Variants in FAM53C observed in about 807,000 individuals in gnomAD.
The protein encoded by FAM53C is family with sequence similarity 53 member C.
In FAM53C, 10 loss-of-function variants were observed where a neutral mutation model predicts 34.7. The ratio of observed to expected loss-of-function variants is 0.29; its 90% CI spans 0.18 to 0.49. The LOEUF (loss-of-function observed/expected upper bound fraction) is 0.49. Among genes scored for constraint, FAM53C ranks in the 20% least tolerant of loss-of-function variants. The pLI is 0.99. For synonymous variants in FAM53C, 203 were observed against 203.6 expected, an observed-to-expected ratio of 1.00 and a Z score of 0.03; for missense variants, 442 against 515.3, an observed-to-expected ratio of 0.86 and a Z score of 1.38.
At position 138,348,690 on chromosome 5, in the gene FAM53C, C is replaced by T. The variant is rs1761244554; in HGVS notation, c.*1731C>T. The stretch of plus-strand genomic sequence containing the variant: ...GCTATGTCTTCTTAAGCCTCTGGCC[C>T]TCAGAGGCTCCTCCCTATCTCCTGG... On this transcript the variant is annotated 3_prime_UTR_variant, in exon 5 of 5. Transcript: ENST00000239906. The T allele has an allele frequency of 6.6e-6, 1 of 152,190 alleles. No homozygotes were observed. Among genetic ancestry groups the T allele is most frequent in the African/African-American group, 2.4e-5 (1 of 41,442 alleles). 9.4% of individuals were successfully genotyped at this position (152,190 alleles called of 1,614,324 possible).
Position 138,341,166 on chromosome 5 carries a change from G to T in FAM53C, c.-152-18G>T. 1 of 738,278 alleles carries T rather than the reference G, an allele frequency of 1.4e-6. No individual in the cohort carries two copies. The highest frequency in any genetic ancestry group is 1.9e-5 in the Admixed American group (1 of 53,954). The allele number at this position is 738,278 out of a possible 1,614,324, so 45.7% of individuals were successfully genotyped here. On this transcript the variant is annotated intron_variant, in intron 1 of 4. Transcript: ENST00000239906. The stretch of plus-strand genomic sequence containing the variant: ...TGCATCTCTAATATCACTTGGGGCT[G>T]GTCCCTCTAATTGGCAGACTCAGCA...
intron 1 of FAM53C, among the ~76,000 whole-genome samples, chr5:138,339,844 G>A (rs1361671621): frequency 2.0e-5 from 3 of 152,180 alleles, no homozygotes; most frequent in African/African-American, 7.2e-5. Context: ...GTACATCCAG[G>A]TTTATCTCTT....
rs186348210 is a variant in FAM53C at position 138,347,101 on chromosome 5, G to C, written c.*142G>C. ...ACTCAGGGCAGCTGGAAATCTTCTC[G>C]CTCCAGCAAGCTCGACCATGCCAAG... On this transcript the variant is annotated 3_prime_UTR_variant, in exon 5 of 5. Transcript: ENST00000239906. 9 of 1,147,456 alleles carry C rather than the reference G, an allele frequency of 7.8e-6. No individual in the cohort carries two copies. The East Asian group carries it at 2.1e-4, about 27-fold the overall frequency. 71.1% of individuals were successfully genotyped at this position (1,147,456 alleles called of 1,614,324 possible). A position where few individuals can be genotyped will look rare whatever the true frequency, so the allele number is the denominator to read the frequency against.
Position 138,341,202 on chromosome 5 carries a change from G to T in FAM53C, c.-134G>T. The T allele has an allele frequency of 1.2e-6, 1 of 801,024 alleles. No homozygotes were observed. The highest frequency in any genetic ancestry group is 2.3e-6 in the Non-Finnish European group (1 of 442,466). 49.6% of individuals were successfully genotyped at this position (801,024 alleles called of 1,614,324 possible). A position where few individuals can be genotyped will look rare whatever the true frequency, so the allele number is the denominator to read the frequency against. ...TTGGCAGACTCAGCAGGCATGACTG[G>T]AGAGGGAAGTCCCAATGGTGCTAGA... On this transcript the variant is annotated 5_prime_UTR_variant, in exon 2 of 5. Transcript: ENST00000239906.
chr5:138,345,702 GC>G lies in FAM53C; in HGVS notation c.921+98del. On this transcript the variant is annotated intron_variant, in intron 4 of 4. Transcript: ENST00000239906. This position sits in a 1 kb window ranked among gnomAD's most constrained non-coding sequence, Gnocchi z 6.3. ...TAGCCCCTAGCTTCATTACCCTGCC[GC>G]CCCCACCACCAACAGCACCTCCTTT... 2 of 1,417,166 alleles carry G rather than the reference GC, an allele frequency of 1.4e-6. No individual in the cohort carries two copies. Among genetic ancestry groups the G allele is most frequent in the Non-Finnish European group, 1.9e-6 (2 of 1,045,056 alleles). The allele number at this position is 1,417,166 out of a possible 1,614,324, so 87.8% of individuals were successfully genotyped here. A position where few individuals can be genotyped will look rare whatever the true frequency, so the allele number is the denominator to read the frequency against.
In FAM53C at chr5:138,347,229, A is replaced by G. The variant is rs1761205783; in HGVS notation, c.*270A>G. On this transcript the variant is annotated 3_prime_UTR_variant, in exon 5 of 5. Transcript: ENST00000239906. ...GAGTGTGAGTATCCCTGCCACCAAGAGAGCAATGGGCAGGGAAGGAAGGGG... is the reference window on the plus strand; with the variant it reads ...GAGTGTGAGTATCCCTGCCACCAAGGGAGCAATGGGCAGGGAAGGAAGGGG... 1 of 493,014 alleles carries G rather than the reference A, an allele frequency of 2.0e-6. No homozygotes were observed. Among genetic ancestry groups the G allele is most frequent in the Admixed American group, 3.7e-5 (1 of 26,776 alleles). The allele number at this position is 493,014 out of a possible 1,614,324, so 30.5% of individuals were successfully genotyped here.
chr5:138,344,799 T>C, intron 3 of FAM53C, 26 bp from the exon 4 acceptor site: 1 of 1,500,224 alleles, frequency 6.7e-7, no homozygotes, highest in Non-Finnish European at 8.9e-7. Context: ...ATCATTAATA[T>C]TATTCTTATT....
chr5:138,338,938 C>T (rs2107675), intron 1 of FAM53C, among the ~76,000 whole-genome samples: 21,778 of 152,214 alleles, frequency 0.14, 1,842 homozygotes, highest in South Asian at 0.25. Flanking sequence ...TGGTACAGCA[C>T]AACCTCAGCA....
intron 1 of FAM53C, among the ~76,000 whole-genome samples, chr5:138,340,107 G>A (rs539559558): frequency 6.6e-6 from 1 of 152,200 alleles, no homozygotes; most frequent in South Asian, 2.1e-4. Context: ...TAGTCTGTGT[G>A]GACTCCTGAT....
At chr5:138,342,014 C>T in intron 3 of FAM53C, 148 bp downstream of exon 3, 1 of 671,220 alleles carries the variant, frequency 1.5e-6, no homozygotes, top group Non-Finnish European at 2.7e-6. Context: ...AGTTGTCTTT[C>T]ATGTTCTAGC....
Position 138,345,707 on chromosome 5 carries a change from C to G in FAM53C, c.921+98C>G. On this transcript the variant is annotated intron_variant, in intron 4 of 4. Transcript: ENST00000239906. The surrounding 1 kb of genome is among the most constrained non-coding windows in gnomAD (Gnocchi z 6.3). ...CCTAGCTTCATTACCCTGCCGCCCC[C>G]ACCACCAACAGCACCTCCTTTAGCT... 1 of 1,363,892 alleles carries G rather than the reference C, an allele frequency of 7.3e-7. No homozygotes were observed. The highest frequency in any genetic ancestry group is 1.0e-6 in the Non-Finnish European group (1 of 998,956). 84.5% of individuals were successfully genotyped at this position (1,363,892 alleles called of 1,614,324 possible).
At chr5:138,337,812 C>A, upstream of FAM53C, 1 of 457,634 alleles carries the variant, frequency 2.2e-6, no homozygotes, top group Non-Finnish European at 3.8e-6. Context: ...AAGGGGGATT[C>A]CTTCGAAGAG....
intron 1 of FAM53C, among the ~76,000 whole-genome samples, chr5:138,338,790 C>G (rs911322115): frequency 6.6e-6 from 1 of 152,242 alleles, no homozygotes; most frequent in Non-Finnish European, 1.5e-5. Context: ...TCTCCACCTA[C>G]CTGTTCATGC....
At position 138,341,818 on chromosome 5, in the gene FAM53C, G is replaced by C. The variant is rs995466948; in HGVS notation, c.88G>C (p.Asp30His). 4 of 1,614,052 alleles carry C rather than the reference G, an allele frequency of 2.5e-6. No homozygotes were observed. The African/African-American group carries it at 5.3e-5, about 22-fold the overall frequency. The change falls in exon 3 of 5, where the codon GAT (aspartate) becomes CAT (histidine). Residue 30 changes from aspartate (D) to histidine (H), a missense_variant. Physicochemically the swap from Asp to His is moderately conservative, Grantham distance 81. Coordinates refer to ENST00000239906, the MANE Select transcript of FAM53C (RefSeq NM_016605.3). ...TRFSISLPLP[D>H]HADISNCGNS... ...ATTCTCTCTTTCTTAGCCTTTGCCT[G>C]ATCATGCAGACATCTCCAACTGTGG...
In FAM53C at chr5:138,341,318, C is replaced by T; in HGVS notation, c.-18C>T. On this transcript the variant is annotated 5_prime_UTR_variant, in exon 2 of 5. Coordinates refer to ENST00000239906, the MANE Select transcript of FAM53C (RefSeq NM_016605.3). ...ATCATTTGCTCCAAAGTGTGCAAGTCAAATCCTGGGGAGAATCATGATAAC... is the reference window on the plus strand; with the variant it reads ...ATCATTTGCTCCAAAGTGTGCAAGTTAAATCCTGGGGAGAATCATGATAAC... 2 of 1,611,654 alleles carry T rather than the reference C, an allele frequency of 1.2e-6. No individual in the cohort carries two copies. Among genetic ancestry groups the T allele is most frequent in the Non-Finnish European group, 1.7e-6 (2 of 1,177,792 alleles).
chr5:138,347,015 A>C lies in FAM53C; in HGVS notation c.*56A>C. Reference sequence around the variant, plus strand: ...GACTGACTCTCTCATGGCTACTAACAAGTGTCGAGTCCCCAAGGCTGGGGG... The same window carrying C: ...GACTGACTCTCTCATGGCTACTAACCAGTGTCGAGTCCCCAAGGCTGGGGG... On this transcript the variant is annotated 3_prime_UTR_variant, in exon 5 of 5. Transcript: ENST00000239906. 1 of 1,607,174 alleles carries C rather than the reference A, an allele frequency of 6.2e-7. No homozygotes were observed. The highest frequency in any genetic ancestry group is 8.5e-7 in the Non-Finnish European group (1 of 1,177,408).
chr5:138,342,015 A>T, intron 3 of FAM53C, 149 bp downstream of exon 3: 1 of 671,900 alleles, frequency 1.5e-6, no homozygotes, highest in Non-Finnish European at 2.7e-6. Flanking sequence ...GTTGTCTTTC[A>T]TGTTCTAGCA....
chr5:138,349,270 C>T lies in FAM53C; in HGVS notation c.*2311C>T, dbSNP rs1387365534. 1 of 152,690 alleles carries T rather than the reference C, an allele frequency of 6.5e-6. No homozygotes were observed. The highest frequency in any genetic ancestry group is 1.5e-5 in the Non-Finnish European group (1 of 68,046). 9.5% of individuals were successfully genotyped at this position (152,690 alleles called of 1,614,324 possible). A position where few individuals can be genotyped will look rare whatever the true frequency, so the allele number is the denominator to read the frequency against. ...GGACTGCTGACCATTTAAAAGCAGC[C>T]TATGATTGCTTCTTTTTGTAAAGCA... is the stretch of plus-strand genomic sequence containing the variant. On this transcript the variant is annotated 3_prime_UTR_variant, in exon 5 of 5. Coordinates refer to ENST00000239906, the MANE Select transcript of FAM53C (RefSeq NM_016605.3).
chr5:138,343,464 C>T (rs1417392820), intron 3 of FAM53C, among the ~76,000 whole-genome samples: 7 of 150,448 alleles, frequency 4.7e-5, no homozygotes, highest in Non-Finnish European at 8.9e-5. Context: ...GAGCCGAGAT[C>T]GCACCCACTG....
Sources: allele counts gnomAD v4.1 joint callset (sites outside exome capture counted in the v4.1 genomes callset), GRCh38; gene constraint gnomAD v4.1.1; non-coding constraint Gnocchi (gnomAD v3.1); transcripts MANE v1.5; gene names NCBI Gene and HGNC (gene_info 2026-07-23, HGNC 2026-07-21).